KAZN: variants seen among roughly 807,000 people sequenced by gnomAD.
KAZN encodes the protein kazrin, periplakin interacting protein.
A neutral mutation model predicts 87.4 loss-of-function variants in KAZN; 40 were observed. The observed-to-expected ratio is 0.46, with a 90% CI of 0.36 to 0.60. The LOEUF is 0.60. KAZN is among the 20% of genes least tolerant of loss of function. The pLI, the probability that KAZN is intolerant of heterozygous loss-of-function variation, is 0.00. For synonymous variants in KAZN, 466 were observed against 458.3 expected, an observed-to-expected ratio of 1.02 and a Z score of -0.22; for missense variants, 898 against 1,073.9, an observed-to-expected ratio of 0.84 and a Z score of 2.29.
intron 8 of KAZN, among the ~76,000 whole-genome samples, chr1:15,083,756 C>A (rs145339576): frequency 7.2e-5 from 11 of 152,304 alleles, no homozygotes; most frequent in Non-Finnish European, 1.5e-4. Flanking sequence ...GCAGGCAGGG[C>A]CAGGAGCCAT....
chr1:14,005,808 G>A (rs1224877154), intron 1 of KAZN, among the ~76,000 whole-genome samples: 1 of 152,180 alleles, frequency 6.6e-6, no homozygotes, highest in African/African-American at 2.4e-5. Context: ...CTGACTTAAA[G>A]TTCCAGGTGT....
intron 2 of KAZN, among the ~76,000 whole-genome samples, chr1:14,562,344 C>A (rs1298386287): frequency 1.3e-5 from 2 of 152,154 alleles, no homozygotes; most frequent in Non-Finnish European, 2.9e-5. Flanking sequence ...CTTTCGTATT[C>A]TGGATGATTG....
At chr1:14,757,192 G>A (rs1436063477) in intron 1 of KAZN, among the ~76,000 whole-genome samples, 1 of 152,162 alleles carries the variant, frequency 6.6e-6, no homozygotes, top group Non-Finnish European at 1.5e-5. Flanking sequence ...GAAATTAATA[G>A]TTACAATATA....
At chr1:14,732,092 G>T (rs896080302) in intron 1 of KAZN, among the ~76,000 whole-genome samples, 1 of 152,190 alleles carries the variant, frequency 6.6e-6, no homozygotes, top group Admixed American at 6.5e-5. Flanking sequence ...GACACCTGTC[G>T]GACCCTGGGT....
chr1:13,914,097 T>C (rs2143087), intron 1 of KAZN, among the ~76,000 whole-genome samples: 30,574 of 152,124 alleles, frequency 0.2, 3,447 homozygotes, highest in Non-Finnish European at 0.26. Context: ...AAAGACGCGC[T>C]GAAGGAATTT....
intron 2 of KAZN, among the ~76,000 whole-genome samples, chr1:14,519,234 G>T (rs1671455339): frequency 6.6e-6 from 1 of 152,132 alleles, no homozygotes; most frequent in African/African-American, 2.4e-5. Flanking sequence ...GACCCTACAG[G>T]CAAGGAGAGG....
At chr1:14,587,817 AC>A (rs1405791237) in intron 2 of KAZN, among the ~76,000 whole-genome samples, 3 of 152,162 alleles carry the variant, frequency 2.0e-5, no homozygotes, top group Admixed American at 6.5e-5. Flanking sequence ...GAGGGGACAA[AC>A]AACCACACTA....
At chr1:14,943,931 G>A (rs2871903) in intron 1 of KAZN, among the ~76,000 whole-genome samples, 16,219 of 152,180 alleles carry the variant, frequency 0.11, 1,011 homozygotes, top group Middle Eastern at 0.14. Context: ...CTAATTAGCC[G>A]GGCGTGGTGG....
intron 2 of KAZN, among the ~76,000 whole-genome samples, chr1:14,518,196 T>C (rs1207351594): frequency 1.3e-5 from 2 of 149,232 alleles, no homozygotes; most frequent in Non-Finnish European, 3.0e-5. Flanking sequence ...TTTTTTTTTT[T>C]TTTGGGCAGA....
intron 1 of KAZN, among the ~76,000 whole-genome samples, chr1:14,941,655 G>A (rs1661095788): frequency 6.6e-6 from 1 of 152,194 alleles, no homozygotes; most frequent in Admixed American, 6.5e-5. Context: ...TTTCGAAGAT[G>A]TATAGCTTTC....
At chr1:13,919,189 G>T (rs1449617263) in intron 1 of KAZN, among the ~76,000 whole-genome samples, 1 of 152,210 alleles carries the variant, frequency 6.6e-6, no homozygotes, top group Non-Finnish European at 1.5e-5. Context: ...TCTTGGAAAT[G>T]CCTCATGCCT....
chr1:13,992,296 T>TA (rs58779826), intron 1 of KAZN, among the ~76,000 whole-genome samples: 46 of 151,368 alleles, frequency 3.0e-4, no homozygotes, highest in South Asian at 4.2e-4. Context: ...AATCTTTATT[T>TA]TTTTTTCTTG....
In KAZN at chr1:15,115,719, T is replaced by C. The variant is rs1251249400; in HGVS notation, c.*1084T>C. ...CCCTTTTCTTGACCTGCCACTGTTATGCTGTGTGGCTTCTTCCCAGTGGCC... is the reference window on the plus strand; with the variant it reads ...CCCTTTTCTTGACCTGCCACTGTTACGCTGTGTGGCTTCTTCCCAGTGGCC... On this transcript the variant is annotated 3_prime_UTR_variant, in exon 15 of 15. Coordinates refer to ENST00000376030, the MANE Select transcript of KAZN (RefSeq NM_201628.3). The surrounding 1 kb of genome is among the most constrained non-coding windows in gnomAD (Gnocchi z 4.1). 6.6e-6 allele frequency: 1 copy of C among 152,216 alleles called. No homozygotes were observed. Among genetic ancestry groups the C allele is most frequent in the Non-Finnish European group, 1.5e-5 (1 of 68,054 alleles). 9.4% of individuals were successfully genotyped at this position (152,216 alleles called of 1,614,324 possible).
chr1:14,134,452 A>G (rs909636109), intron 1 of KAZN, among the ~76,000 whole-genome samples: 1 of 152,184 alleles, frequency 6.6e-6, no homozygotes, highest in African/African-American at 2.4e-5. Context: ...AGGTACTACT[A>G]CTATTCTGAA....
chr1:14,396,146 C>T lies in KAZN; in HGVS notation c.250-202837C>T, dbSNP rs150051706. 9.8e-3 allele frequency among the ~76,000 whole-genome samples: 1,292 copies of T among 132,480 alleles called. 24 individuals carry two copies. The highest frequency in any genetic ancestry group is 0.034 in the African/African-American group (1,226 of 35,668). The allele number at this position is 132,480 out of a possible 152,430, so 86.9% of individuals were successfully genotyped here. ...CCGCACCACTGCTCTCCAGCCTGAG[C>T]GACAAGAGCAAGACTCCGTCTCAAA... On this transcript the variant is annotated intron_variant, in intron 2 of 16. Coordinates refer to the KAZN transcript ENST00000636203.
At chr1:14,215,135 C>T (rs907954479) in intron 2 of KAZN, among the ~76,000 whole-genome samples, 2 of 152,126 alleles carry the variant, frequency 1.3e-5, no homozygotes, top group African/African-American at 4.8e-5. Flanking sequence ...TCATTTCTCA[C>T]GTGGGGAGCT....
At chr1:14,520,542 T>A (rs1002078834) in intron 2 of KAZN, among the ~76,000 whole-genome samples, 9 of 152,166 alleles carry the variant, frequency 5.9e-5, no homozygotes, top group Middle Eastern at 3.2e-3. Flanking sequence ...CAGTGGCTCA[T>A]GGGACAACCA....
chr1:14,939,000 TCTCA>T (rs1282246004), intron 1 of KAZN, among the ~76,000 whole-genome samples: 17 of 152,320 alleles, frequency 1.1e-4, no homozygotes, highest in Non-Finnish European at 2.4e-4. Context: ...TGAGATGGAG[TCTCA>T]CTCAGTTGCC....
At chr1:14,385,598 T>G (rs1413340779) in intron 2 of KAZN, among the ~76,000 whole-genome samples, 1 of 152,230 alleles carries the variant, frequency 6.6e-6, no homozygotes, top group East Asian at 1.9e-4. Context: ...AGCAGGTTGT[T>G]TGGTTTCCAT....
Sources: allele counts gnomAD v4.1 joint callset (sites outside exome capture counted in the v4.1 genomes callset), GRCh38; gene constraint gnomAD v4.1.1; non-coding constraint Gnocchi (gnomAD v3.1); transcripts MANE v1.5; gene names NCBI Gene and HGNC (gene_info 2026-07-23, HGNC 2026-07-21).